The following DNAH14 variants were observed in gnomAD, a reference collection of about 807,000 sequenced individuals.
DNAH14 encodes the protein dynein axonemal heavy chain 14.
Under a neutral mutation model 520.9 loss-of-function variants are expected in DNAH14, and 478 were observed. That is an observed-to-expected ratio of 0.92 (90% CI 0.85 to 0.99). The LOEUF is 0.99. Ranked by LOEUF, DNAH14 falls within the 50% of genes least tolerant of loss-of-function variation. DNAH14 has a pLI of 0.00. For synonymous variants in DNAH14, 1,581 were observed against 1,757.2 expected, an observed-to-expected ratio of 0.90 and a Z score of 2.51; for missense variants, 4,831 against 5,234.5, an observed-to-expected ratio of 0.92 and a Z score of 2.38.
At chr1:224,999,471 C>T (rs1483483051) in intron 8 of DNAH14, among the ~76,000 whole-genome samples, 1 of 152,238 alleles carries the variant, frequency 6.6e-6, no homozygotes, top group Non-Finnish European at 1.5e-5. Context: ...TCCCAGAGTG[C>T]TGGGATTACA....
chr1:225,264,070 G>GA (rs979204686), intron 46 of DNAH14, 127 bp from the exon 47 acceptor site: 13 of 741,318 alleles, frequency 1.8e-5, no homozygotes, highest in Admixed American at 3.0e-5. Context: ...GGTGGAAACA[G>GA]AAAAAAAATT....
chr1:225,223,155 G>T (rs1381920242), intron 41 of DNAH14, among the ~76,000 whole-genome samples: 5 of 152,148 alleles, frequency 3.3e-5, no homozygotes. Context: ...ACAGCTATGG[G>T]ACCCTGTCTT....
At chr1:225,331,199 G>A (rs569564491) in intron 64 of DNAH14, among the ~76,000 whole-genome samples, 2 of 149,354 alleles carry the variant, frequency 1.3e-5, no homozygotes, top group South Asian at 2.1e-4. Context: ...CGCTAGGATT[G>A]TAAAAAAAAA....
chr1:225,219,623 C>A (rs1455036420), intron 41 of DNAH14, among the ~76,000 whole-genome samples: 1 of 152,096 alleles, frequency 6.6e-6, no homozygotes, highest in Admixed American at 6.6e-5. Context: ...AGTTGAATCC[C>A]TGAATAGACC....
At chr1:225,341,568 A>G (rs2095181404) in intron 69 of DNAH14, among the ~76,000 whole-genome samples, 1 of 152,214 alleles carries the variant, frequency 6.6e-6, no homozygotes, top group Non-Finnish European at 1.5e-5. Context: ...TGGGAGGTTG[A>G]GACAGGAGAA....
At chr1:225,300,805 A>ATG in intron 55 of DNAH14, 64 bp from the exon 56 acceptor site, 1 of 1,451,032 alleles carries the variant, frequency 6.9e-7, no homozygotes, top group Non-Finnish European at 9.2e-7. Flanking sequence ...CCTCAAATTG[A>ATG]TGTGGTTAGG....
chr1:225,119,261 A>T lies in DNAH14; in HGVS notation c.4133A>T (p.Asn1378Ile). 1 of 1,526,598 alleles carries T rather than the reference A, an allele frequency of 6.6e-7. No individual in the cohort carries two copies. 94.6% of individuals were successfully genotyped at this position (1,526,598 alleles called of 1,614,324 possible). Residue 1378 changes from asparagine to isoleucine, a missense_variant, in exon 26 of 86, where the codon AAT becomes ATT. Transcript: ENST00000682510. Reference sequence around the variant, plus strand: ...AGTGCTGTAGAACAGTGGCTGGTAAATGTAGAAAAAAGCATGTTCGATGTG... The same window carrying T: ...AGTGCTGTAGAACAGTGGCTGGTAATTGTAGAAAAAAGCATGTTCGATGTG... ...VRSAVEQWLV[N>I]VEKSMFDVLK... is the part of the protein sequence containing the mutation.
intron 30 of DNAH14, among the ~76,000 whole-genome samples, chr1:225,146,036 A>G (rs1573488414): frequency 1.3e-5 from 2 of 152,370 alleles, no homozygotes; most frequent in Admixed American, 1.3e-4. Flanking sequence ...CGTTAAAAAT[A>G]TCAACATAAA....
chr1:225,139,184 A>G (rs927790850), intron 27 of DNAH14, among the ~76,000 whole-genome samples: 6 of 152,174 alleles, frequency 3.9e-5, no homozygotes, highest in Admixed American at 3.3e-4. Context: ...TAAGCTGAGG[A>G]ACTTACCCAA....
At chr1:225,091,104 G>A (rs1179075920) in intron 21 of DNAH14, among the ~76,000 whole-genome samples, 1 of 152,052 alleles carries the variant, frequency 6.6e-6, no homozygotes, top group African/African-American at 2.4e-5. Context: ...TATATGAATG[G>A]ATCTATGATT....
intron 54 of DNAH14, among the ~76,000 whole-genome samples, chr1:225,287,677 C>G (rs1362146057): frequency 6.6e-6 from 1 of 152,094 alleles, no homozygotes; most frequent in Non-Finnish European, 1.5e-5. Context: ...GTACACCTAG[C>G]TCCCAGATCT....
intron 12 of DNAH14, 45 bp from the exon 13 acceptor site, chr1:225,042,790 A>T (rs1252573523): frequency 2.7e-6 from 4 of 1,503,186 alleles, no homozygotes; most frequent in Non-Finnish European, 3.6e-6. Context: ...ATGTTCTGTA[A>T]GTTATATGTT....
At position 225,399,255 on chromosome 1, in the gene DNAH14, A is replaced by G. The variant is rs1558641330; in HGVS notation, c.13840A>G (p.Lys4614Glu). 1 of 1,550,786 alleles carries G rather than the reference A, an allele frequency of 6.4e-7. No homozygotes were observed. ...AATGCGGGTTGCATTGCTTTGTGAGAAGAATGAAAAATAAATGTCCATATC... is the reference window on the plus strand; with the variant it reads ...AATGCGGGTTGCATTGCTTTGTGAGGAGAATGAAAAATAAATGTCCATATC... ...ITMRVALLCE[K>E]NEK The change falls in exon 86 of 86, where the codon AAG (lysine) becomes GAG (glutamate). Residue 4614 changes from lysine to glutamate, a missense_variant. By Grantham distance (56) the Lys-to-Glu change is moderately conservative. Coordinates refer to ENST00000682510, the MANE Select transcript of DNAH14 (RefSeq NM_001367479.1).
chr1:225,328,450 A>G (rs1439955574), intron 64 of DNAH14, among the ~76,000 whole-genome samples: 2 of 152,256 alleles, frequency 1.3e-5, no homozygotes, highest in South Asian at 2.1e-4. Flanking sequence ...AATCCAATTA[A>G]TATACTTAAA....
intron 23 of DNAH14, among the ~76,000 whole-genome samples, chr1:225,111,759 G>T (rs2076497533): frequency 6.6e-6 from 1 of 151,350 alleles, no homozygotes; most frequent in Admixed American, 6.6e-5. Context: ...TTCTTTGGTG[G>T]CATTTTGTAA....
intron 44 of DNAH14, among the ~76,000 whole-genome samples, chr1:225,257,003 TGTGA>T (rs572772546): frequency 7.9e-4 from 120 of 151,736 alleles, no homozygotes; most frequent in African/African-American, 2.5e-3. Context: ...TCAGAAAGAG[TGTGA>T]GTGAGGGATA....
At chr1:225,274,398 G>A (rs2093411590) in intron 52 of DNAH14, among the ~76,000 whole-genome samples, 1 of 151,554 alleles carries the variant, frequency 6.6e-6, no homozygotes, top group Admixed American at 6.6e-5. Context: ...AGTAGAGACG[G>A]GGTTTCACCG....
chr1:225,398,708 C>A (rs185442821), intron 85 of DNAH14, 42 bp downstream of exon 85: 1 of 1,544,588 alleles, frequency 6.5e-7, no homozygotes, highest in Non-Finnish European at 8.8e-7. Flanking sequence ...AACCTCTGAG[C>A]GTTGCTTCAG....
chr1:225,038,478 G>A (rs987490169), intron 11 of DNAH14, among the ~76,000 whole-genome samples: 6 of 151,824 alleles, frequency 4.0e-5, no homozygotes, highest in Non-Finnish European at 8.8e-5. Flanking sequence ...GTATCTCAGT[G>A]TGTTATGGAT....
Sources: allele counts gnomAD v4.1 joint callset (sites outside exome capture counted in the v4.1 genomes callset), GRCh38; gene constraint gnomAD v4.1.1; transcripts MANE v1.5; gene names NCBI Gene and HGNC (gene_info 2026-07-23, HGNC 2026-07-21).